GINS2: variants seen among roughly 807,000 people sequenced by gnomAD.
The protein encoded by GINS2 is DNA replication complex GINS protein PSF2.
Under a neutral mutation model 21.2 loss-of-function variants are expected in GINS2, and 23 were observed. That is an observed-to-expected ratio of 1.08 (90% confidence interval 0.78 to 1.53). The LOEUF is 1.53. Ranked by LOEUF, GINS2 falls within the 40% of genes most tolerant of loss-of-function variation. GINS2 has a pLI of 0.00. For synonymous variants in GINS2, 118 were observed against 85.6 expected, an observed-to-expected ratio of 1.38 and a Z score of -2.09; for missense variants, 323 against 233.9, an observed-to-expected ratio of 1.38 and a Z score of -2.49.
intron 2 of GINS2, among the ~76,000 whole-genome samples, chr16:85,686,718 T>A (rs1157120296): frequency 6.6e-6 from 1 of 152,250 alleles, no homozygotes; most frequent in Non-Finnish European, 1.5e-5. Context: ...CAGCAAGATC[T>A]TTAAGATGTT....
At position 85,688,890 on chromosome 16, in the gene GINS2, A is replaced by C. The variant is rs80063963; in HGVS notation, c.9T>G (p.Ala3=). ...TCTCGGCGAGGAATTCGACCTCGGC[A>C]GCGTCCATGGCGGCGCGAGCTGCAG... MD[A]AEVEFLAEKE... The change falls in exon 1 of 5, where the codon GCT becomes GCG. Residue 3 remains alanine, a synonymous_variant. Coordinates refer to ENST00000253462, the MANE Select transcript of GINS2 (RefSeq NM_016095.3). The C allele has an allele frequency of 0.022, 34,212 of 1,539,444 alleles. 5,954 individuals are homozygous for C. The African/African-American group carries it at 0.4, about 18-fold the overall frequency.
chr16:85,687,719 C>G (rs1318757168), intron 1 of GINS2, 145 bp from the exon 2 acceptor site: 1 of 537,700 alleles, frequency 1.9e-6, no homozygotes, highest in African/African-American at 2.0e-5. Flanking sequence ...TTACCAGACT[C>G]AGAACAAAGC....
At chr16:85,682,675 G>C (rs943802061) in intron 2 of GINS2, among the ~76,000 whole-genome samples, 2 of 152,136 alleles carry the variant, frequency 1.3e-5, no homozygotes, top group African/African-American at 4.8e-5. Context: ...AAAGCCCAGC[G>C]TCTAGAATCA....
rs914226116 is a variant in GINS2 at position 85,676,721 on chromosome 16, G to A, written c.*1491C>T. 34 of 152,194 alleles carry A rather than the reference G, an allele frequency of 2.2e-4. No individual in the cohort carries two copies. Among genetic ancestry groups the A allele is most frequent in the African/African-American group, 6.0e-4 (25 of 41,424 alleles). The allele number at this position is 152,194 out of a possible 1,614,324, so 9.4% of individuals were successfully genotyped here. A position where few individuals can be genotyped will look rare whatever the true frequency, so the allele number is the denominator to read the frequency against. On this transcript the variant is annotated 3_prime_UTR_variant, in exon 5 of 5. Transcript: ENST00000253462. The stretch of plus-strand genomic sequence containing the variant: ...CAAAAATAGGCTGGCCAGGCATGGC[G>A]GCTCATGCTTGCAATCCCAGTGCTT...
Position 85,677,068 on chromosome 16 carries a change from T to G in GINS2, c.*1144A>C, listed in dbSNP as rs1230221702. Reference sequence around the variant, plus strand: ...TTGTATTTTTAATAGAGACGGGGTTTCACCATGTTAGCCAGGATAGTCTCA... The same window carrying G: ...TTGTATTTTTAATAGAGACGGGGTTGCACCATGTTAGCCAGGATAGTCTCA... On this transcript the variant is annotated 3_prime_UTR_variant, in exon 5 of 5. Coordinates refer to ENST00000253462, the MANE Select transcript of GINS2 (RefSeq NM_016095.3). 2 of 152,038 alleles carry G rather than the reference T, an allele frequency of 1.3e-5. No homozygotes were observed. The highest frequency in any genetic ancestry group is 4.8e-5 in the African/African-American group (2 of 41,392). The allele number at this position is 152,038 out of a possible 1,614,324, so 9.4% of individuals were successfully genotyped here.
At chr16:85,687,014 G>C (rs2053783094) in intron 2 of GINS2, among the ~76,000 whole-genome samples, 1 of 152,204 alleles carries the variant, frequency 6.6e-6, no homozygotes, top group South Asian at 2.1e-4. Flanking sequence ...TTGACCCCAG[G>C]AGTTTGAGAC....
intron 2 of GINS2, among the ~76,000 whole-genome samples, chr16:85,682,020 CCTTTTTTTTTT>C (rs2053737724): frequency 1.7e-5 from 2 of 118,474 alleles, no homozygotes; most frequent in East Asian, 5.2e-4. Flanking sequence ...ACCTTTACCG[CCTTTTTTTTTT>C]TTTTTTTTTT....
intron 1 of GINS2, among the ~76,000 whole-genome samples, chr16:85,688,420 C>T (rs2053798441): frequency 6.7e-6 from 1 of 149,514 alleles, no homozygotes; most frequent in South Asian, 2.2e-4. Flanking sequence ...GTGGCGGGCA[C>T]CTGTAACAGC....
intron 3 of GINS2, among the ~76,000 whole-genome samples, chr16:85,680,619 C>G (rs776438477): frequency 2.0e-5 from 3 of 152,002 alleles, no homozygotes; most frequent in African/African-American, 7.3e-5. Flanking sequence ...GATGGCACAG[C>G]CAGGCAAACA....
intron 3 of GINS2, among the ~76,000 whole-genome samples, chr16:85,681,291 T>C (rs1049042674): frequency 3.3e-5 from 5 of 152,118 alleles, no homozygotes; most frequent in African/African-American, 9.7e-5. Flanking sequence ...TCGAGTGATG[T>C]GAGGCAGAAC....
chr16:85,687,228 AACT>A (rs2053784747), intron 2 of GINS2, among the ~76,000 whole-genome samples: 1 of 152,272 alleles, frequency 6.6e-6, no homozygotes, highest in Admixed American at 6.5e-5. Context: ...TCAAAAAACA[AACT>A]ACAACTTTCA....
chr16:85,685,681 A>ACAAAAAAAAAAAAAAAC (rs1205519766), intron 2 of GINS2, among the ~76,000 whole-genome samples: 1 of 147,950 alleles, frequency 6.8e-6, no homozygotes, highest in African/African-American at 2.5e-5. Context: ...AAAAAAAAAA[A>ACAAAAAAAAAAAAAAAC]AAAAAAAAAA....
chr16:85,683,968 C>A (rs1299672781), intron 2 of GINS2, among the ~76,000 whole-genome samples: 1 of 152,158 alleles, frequency 6.6e-6, no homozygotes, highest in Non-Finnish European at 1.5e-5. Context: ...TCCAGCAAGT[C>A]CATCATTCTA....
Position 85,677,854 on chromosome 16 carries a change from G to C in GINS2, c.*358C>G, listed in dbSNP as rs2053694285. 1 of 197,800 alleles carries C rather than the reference G, an allele frequency of 5.1e-6. No individual in the cohort carries two copies. Among genetic ancestry groups the C allele is most frequent in the East Asian group, 1.4e-4 (1 of 6,940 alleles). The allele number at this position is 197,800 out of a possible 1,614,324, so 12.3% of individuals were successfully genotyped here. A position where few individuals can be genotyped will look rare whatever the true frequency, so the allele number is the denominator to read the frequency against. ...CGTGGACCACATGGCCACTCCTGCT[G>C]TATCTACACCTACCAGTCACTGAAC... On this transcript the variant is annotated 3_prime_UTR_variant, in exon 5 of 5. Coordinates refer to ENST00000253462, the MANE Select transcript of GINS2 (RefSeq NM_016095.3).
intron 1 of GINS2, among the ~76,000 whole-genome samples, chr16:85,688,200 C>T (rs2053794713): frequency 6.6e-6 from 1 of 152,128 alleles, no homozygotes; most frequent in Non-Finnish European, 1.5e-5. Flanking sequence ...TTTGGGAGGC[C>T]GACGTGGGAG....
At chr16:85,682,473 C>T (rs550833470) in intron 2 of GINS2, among the ~76,000 whole-genome samples, 14 of 149,746 alleles carry the variant, frequency 9.3e-5, no homozygotes, top group African/African-American at 3.0e-4. Flanking sequence ...CCAGCCTGGG[C>T]GTGATACAAT....
chr16:85,682,849 G>A (rs1278482974), intron 2 of GINS2, among the ~76,000 whole-genome samples: 2 of 152,078 alleles, frequency 1.3e-5, no homozygotes, highest in East Asian at 1.9e-4. Context: ...CATTGTAAAC[G>A]GCCAACTACC....
At chr16:85,685,582 G>A (rs2053767429) in intron 2 of GINS2, among the ~76,000 whole-genome samples, 1 of 148,284 alleles carries the variant, frequency 6.7e-6, no homozygotes, top group African/African-American at 2.5e-5. Flanking sequence ...GAAGCAGGAG[G>A]ATGACTTGAG....
intron 2 of GINS2, among the ~76,000 whole-genome samples, chr16:85,683,295 A>AGT (rs1188742710): frequency 2.0e-5 from 3 of 152,042 alleles, no homozygotes; most frequent in Admixed American, 6.5e-5. Context: ...CTCAGCTCCC[A>AGT]ACCCCTTTCT....
Sources: gnomAD v4.1 joint callset for allele counts (sites outside exome capture counted in the v4.1 genomes callset) on GRCh38, gnomAD v4.1.1 for gene constraint, MANE v1.5 for transcripts, NCBI Gene and HGNC (gene_info 2026-07-23, HGNC 2026-07-21) for gene names.